Variants in SESTD1 observed in about 807,000 individuals in gnomAD.
SESTD1 encodes SEC14 and spectrin domain containing 1.
SESTD1 carries 43 observed loss-of-function variants against 101.7 expected under a neutral mutation model. That is an observed-to-expected ratio of 0.42 (90% CI 0.33 to 0.55). The LOEUF is 0.55. SESTD1 is among the 20% of genes least tolerant of loss of function. The probability of loss-of-function intolerance (pLI) is 0.07; values close to 1 mark genes in which losing one functional copy is unlikely to be tolerated. For synonymous variants in SESTD1, 283 were observed against 286.8 expected (o/e 0.99, Z 0.13); for missense variants, 647 against 815.1 (o/e 0.79, Z 2.51).
chr2:179,239,102 T>G (rs2047111748), intron 1 of SESTD1, among the ~76,000 whole-genome samples: 1 of 152,192 alleles, frequency 6.6e-6, no homozygotes, highest in South Asian at 2.1e-4. Context: ...TCTTAGTATC[T>G]GACAAAAGTA....
At chr2:179,139,833 C>T (rs2045238068) in intron 9 of SESTD1, among the ~76,000 whole-genome samples, 1 of 152,112 alleles carries the variant, frequency 6.6e-6, no homozygotes, top group East Asian at 1.9e-4. Context: ...TTAAAAACTC[C>T]AGCTCAGAAC....
chr2:179,129,026 T>A (rs534339079), intron 10 of SESTD1, among the ~76,000 whole-genome samples: 11 of 152,296 alleles, frequency 7.2e-5, no homozygotes, highest in Admixed American at 7.2e-4. Context: ...TTATACTTTA[T>A]ACCATGAAAT....
chr2:179,198,758 G>A (rs370266098), intron 1 of SESTD1, among the ~76,000 whole-genome samples: 4 of 152,022 alleles, frequency 2.6e-5, no homozygotes, highest in Non-Finnish European at 4.4e-5. Flanking sequence ...TGAAACCAAC[G>A]AGAACACAGA....
chr2:179,171,846 A>T (rs1350730669), intron 5 of SESTD1, among the ~76,000 whole-genome samples: 1 of 152,196 alleles, frequency 6.6e-6, no homozygotes, highest in African/African-American at 2.4e-5. Context: ...GCAATAAAAA[A>T]ATTTAAATAC....
intron 7 of SESTD1, among the ~76,000 whole-genome samples, chr2:179,146,904 G>GGGGT (rs2045407610): frequency 6.9e-6 from 1 of 145,418 alleles, no homozygotes; most frequent in East Asian, 2.0e-4. Flanking sequence ...ATATTCCAGG[G>GGGGT]GTGTGTGTGT....
At chr2:179,203,492 A>T (rs2046548545) in intron 1 of SESTD1, among the ~76,000 whole-genome samples, 1 of 132,842 alleles carries the variant, frequency 7.5e-6, no homozygotes, top group Non-Finnish European at 1.6e-5. Context: ...AGGTGCTGAG[A>T]CGGTAGCACA....
chr2:179,146,314 C>T, intron 8 of SESTD1, 88 bp downstream of exon 8: 1 of 1,251,074 alleles, frequency 8.0e-7, no homozygotes, highest in Non-Finnish European at 1.2e-6. Flanking sequence ...ACATGTACCA[C>T]ATTCATGCTG....
chr2:179,192,439 ATT>A (rs1574022927), intron 1 of SESTD1, among the ~76,000 whole-genome samples: 1 of 152,030 alleles, frequency 6.6e-6, no homozygotes, highest in Non-Finnish European at 1.5e-5. Flanking sequence ...TTTCTAATAC[ATT>A]GTTTCAATTT....
At chr2:179,133,463 A>T (rs1037303392) in intron 9 of SESTD1, among the ~76,000 whole-genome samples, 2 of 152,210 alleles carry the variant, frequency 1.3e-5, no homozygotes, top group African/African-American at 4.8e-5. Context: ...GCAGAAGGAG[A>T]GGATTGTGCT....
chr2:179,246,224 C>T (rs1489156010), intron 1 of SESTD1, among the ~76,000 whole-genome samples: 3 of 124,200 alleles, frequency 2.4e-5, no homozygotes, highest in East Asian at 2.7e-4. Context: ...CACTGCACTG[C>T]GGCCTGGGTG....
chr2:179,138,906 C>G (rs865839510), intron 9 of SESTD1, among the ~76,000 whole-genome samples: 2 of 148,234 alleles, frequency 1.3e-5, no homozygotes, highest in Middle Eastern at 3.6e-3. Context: ...AAAAATCCTT[C>G]CACAAGGACA....
rs556300855 is a variant in SESTD1 at position 179,219,017 on chromosome 2, C to T, written c.-25-27151G>A. 5.9e-5 allele frequency among the ~76,000 whole-genome samples: 9 copies of T among 152,054 alleles called. 1 individual carries two copies. Among genetic ancestry groups the T allele is most frequent in the Non-Finnish European group, 5.9e-5 (4 of 68,026 alleles). ...AACTACCTGAATGCCAACACCTTGA[C>T]GGGAAATCACAGGATTCACATGTGC... On this transcript the variant is annotated intron_variant, in intron 1 of 17. Transcript: ENST00000428443.
intron 2 of SESTD1, among the ~76,000 whole-genome samples, chr2:179,188,752 G>C (rs1260703389): frequency 6.6e-6 from 1 of 152,120 alleles, no homozygotes; most frequent in East Asian, 1.9e-4. Flanking sequence ...AGGACAATTA[G>C]AAATGACAAG....
chr2:179,115,334 G>T, intron 15 of SESTD1, 78 bp from the exon 16 acceptor site: 1 of 1,129,562 alleles, frequency 8.9e-7, no homozygotes, highest in Non-Finnish European at 1.2e-6. Flanking sequence ...CAGGAAGATT[G>T]TCGTTACAGT....
At chr2:179,111,777 T>TG (rs2044514270) in intron 17 of SESTD1, among the ~76,000 whole-genome samples, 1 of 150,688 alleles carries the variant, frequency 6.6e-6, no homozygotes, top group South Asian at 2.1e-4. Flanking sequence ...TGGAGCGCAG[T>TG]GGCGTGATCT....
At chr2:179,210,768 T>C (rs1031273189) in intron 1 of SESTD1, among the ~76,000 whole-genome samples, 1 of 134,322 alleles carries the variant, frequency 7.4e-6, no homozygotes, top group African/African-American at 2.9e-5. Context: ...CCCTGAGAAT[T>C]GGAACAAGAT....
intron 1 of SESTD1, among the ~76,000 whole-genome samples, chr2:179,243,961 TACACACAC>T (rs1220156890): frequency 6.9e-6 from 1 of 144,004 alleles, no homozygotes. Flanking sequence ...TATATATATA[TACACACAC>T]ACACACACAC....
chr2:179,229,775 A>ATATATATATATATATATATATATG (rs2046952608), intron 1 of SESTD1, among the ~76,000 whole-genome samples: 2 of 116,458 alleles, frequency 1.7e-5, no homozygotes, highest in Non-Finnish European at 1.7e-5. Context: ...ATATATATAT[A>ATATATATATATATATATATATATG]CTCAAATACA....
rs544384534 is a variant in SESTD1, at chr2:179,248,755, A to G, written c.-26+15744T>C. Among the ~76,000 whole-genome samples the G allele has an allele frequency of 2.6e-5, 4 of 152,182 alleles. No individual in the cohort carries two copies. The South Asian group carries it at 6.2e-4, about 24-fold the overall frequency. The stretch of plus-strand genomic sequence containing the variant: ...AAACTTAAAGCTAATATTATACTCA[A>G]TTGTGAAAGACTGAATACTTTTTCC... On this transcript the variant is annotated intron_variant, in intron 1 of 17. Transcript: ENST00000428443.
Sources: allele counts gnomAD v4.1 joint callset (sites outside exome capture counted in the v4.1 genomes callset), GRCh38; gene constraint gnomAD v4.1.1; transcripts MANE v1.5; gene names NCBI Gene and HGNC (gene_info 2026-07-23, HGNC 2026-07-21).